Variants in GRID2 observed in about 807,000 individuals in gnomAD.
GRID2 encodes the protein glutamate ionotropic receptor delta type subunit 2.
GRID2 carries 33 observed loss-of-function variants against 114.8 expected under a neutral mutation model. That is an observed-to-expected ratio of 0.29 (90% CI 0.22 to 0.38). The LOEUF (loss-of-function observed/expected upper bound fraction) is 0.38. Among genes scored for constraint, GRID2 ranks in the 10% least tolerant of loss-of-function variants. The pLI is 1.00. For missense variants in GRID2, 1,184 were observed against 1,257.7 expected (o/e 0.94, Z 0.89); for synonymous variants, 505 against 449.9 (o/e 1.12, Z -1.55).
At chr4:93,493,227 A>G (rs1727189142) in intron 12 of GRID2, among the ~76,000 whole-genome samples, 1 of 151,906 alleles carries the variant, frequency 6.6e-6, no homozygotes, top group African/African-American at 2.4e-5. Context: ...AAATAAATAA[A>G]TCGTAAAAAG....
chr4:92,747,718 A>T (rs1169362787), intron 2 of GRID2, among the ~76,000 whole-genome samples: 1 of 152,090 alleles, frequency 6.6e-6, no homozygotes, highest in Non-Finnish European at 1.5e-5. Flanking sequence ...GCTTAATCCT[A>T]CCCTGATCCT....
At chr4:92,345,028 C>T (rs1041235335) in intron 1 of GRID2, among the ~76,000 whole-genome samples, 16 of 152,156 alleles carry the variant, frequency 1.1e-4, no homozygotes, top group African/African-American at 3.6e-4. Context: ...TTGTTTATCC[C>T]TCACCCTCCT....
At chr4:92,386,008 C>T (rs1490595087) in intron 1 of GRID2, among the ~76,000 whole-genome samples, 1 of 150,698 alleles carries the variant, frequency 6.6e-6, no homozygotes, top group East Asian at 2.0e-4. Context: ...GTCTCCTCAC[C>T]ACAGATAATG....
At chr4:92,930,873 A>G (rs547664453) in intron 2 of GRID2, among the ~76,000 whole-genome samples, 51 of 151,278 alleles carry the variant, frequency 3.4e-4, no homozygotes, top group African/African-American at 1.2e-3. Flanking sequence ...GTAAATTTAA[A>G]CAAAAACATT....
intron 1 of GRID2, among the ~76,000 whole-genome samples, chr4:92,461,869 T>C (rs1383774685): frequency 1.3e-5 from 2 of 152,010 alleles, no homozygotes; most frequent in Non-Finnish European, 2.9e-5. Flanking sequence ...CTAAGTGAGA[T>C]CTTCATCAGC....
intron 2 of GRID2, among the ~76,000 whole-genome samples, chr4:92,784,417 T>C (rs1205403543): frequency 1.3e-5 from 2 of 151,926 alleles, no homozygotes; most frequent in East Asian, 3.9e-4. Context: ...TTATAAATTA[T>C]ACAATTTGTG....
rs1262774382 is a variant in GRID2, at chr4:92,938,761, G to T, written c.245-146234G>T. Among the ~76,000 whole-genome samples the T allele has an allele frequency of 2.4e-5, 3 of 125,068 alleles. 1 individual carries two copies. The highest frequency in any genetic ancestry group is 5.4e-4 in the South Asian group (2 of 3,692). 82.0% of individuals were successfully genotyped at this position (125,068 alleles called of 152,430 possible). A position where few individuals can be genotyped will look rare whatever the true frequency, so the allele number is the denominator to read the frequency against. On this transcript the variant is annotated intron_variant, in intron 2 of 15. Coordinates refer to ENST00000282020, the MANE Select transcript of GRID2 (RefSeq NM_001510.4). ...CCCAGAGTGTGATGTTCCCCTTCCT[G>T]TGTCCATGTGTTCTCATTATTCAAT...
At chr4:92,382,545 A>C in intron 1 of GRID2, among the ~76,000 whole-genome samples, 1 of 152,178 alleles carries the variant, frequency 6.6e-6, no homozygotes, top group African/African-American at 2.4e-5. Context: ...TTTGCACTTA[A>C]GTTTTGCATT....
intron 2 of GRID2, among the ~76,000 whole-genome samples, chr4:92,647,143 C>A (rs1385593464): frequency 6.6e-6 from 1 of 152,180 alleles, no homozygotes; most frequent in African/African-American, 2.4e-5. Flanking sequence ...TCCTGTATAA[C>A]TTACTTTATC....
chr4:93,543,861 T>A (rs1732918455), intron 13 of GRID2, among the ~76,000 whole-genome samples: 1 of 152,138 alleles, frequency 6.6e-6, no homozygotes, highest in Admixed American at 6.6e-5. Flanking sequence ...GAAAGCTTCT[T>A]ATTACCAAGA....
In GRID2 at chr4:92,828,192, A is replaced by C. The variant is rs142362415; in HGVS notation, c.244+237906A>C. 1.3e-3 allele frequency among the ~76,000 whole-genome samples: 192 copies of C among 152,178 alleles called. 3 individuals carry two copies. In the East Asian group the frequency reaches 0.029, roughly 23 times the overall value. ...TTTGAGTTGCTAAAATCAAAATAGGACTATACTGATTTTAGTTCCCAGGTC... is the reference window on the plus strand; with the variant it reads ...TTTGAGTTGCTAAAATCAAAATAGGCCTATACTGATTTTAGTTCCCAGGTC... On this transcript the variant is annotated intron_variant, in intron 2 of 15. Coordinates refer to ENST00000282020, the MANE Select transcript of GRID2 (RefSeq NM_001510.4).
At chr4:92,822,316 G>A (rs1330387375) in intron 2 of GRID2, 2 of 617,260 alleles carry the variant, frequency 3.2e-6, no homozygotes, top group East Asian at 4.2e-5. Flanking sequence ...AAGCACAGAG[G>A]GATCCATCTG....
At chr4:93,036,746 T>C (rs1164241598) in intron 2 of GRID2, among the ~76,000 whole-genome samples, 1 of 152,158 alleles carries the variant, frequency 6.6e-6, no homozygotes, top group African/African-American at 2.4e-5. Flanking sequence ...TATCAGGGAA[T>C]GTGTATATTC....
chr4:93,128,024 CAACAAAAAAAAAA>C (rs1734433461), intron 4 of GRID2, among the ~76,000 whole-genome samples: 1 of 19,004 alleles, frequency 5.3e-5, no homozygotes, highest in Non-Finnish European at 9.3e-5. Flanking sequence ...TTGTCCCCCG[CAACAAAAAAAAAA>C]AAAAAAAAAA....
intron 13 of GRID2, among the ~76,000 whole-genome samples, chr4:93,517,904 ATG>A (rs796076345): frequency 2.7e-5 from 4 of 149,308 alleles, no homozygotes; most frequent in East Asian, 2.0e-4. Context: ...ATATATATGT[ATG>A]TGTGTGTGTA....
intron 3 of GRID2, among the ~76,000 whole-genome samples, chr4:93,104,803 A>G (rs1363615918): frequency 2.0e-5 from 3 of 152,340 alleles, no homozygotes; most frequent in Non-Finnish European, 4.4e-5. Context: ...CATGATTTAC[A>G]GTCCTTTGGG....
chr4:92,978,217 C>A (rs1392654849), intron 2 of GRID2, among the ~76,000 whole-genome samples: 1 of 152,052 alleles, frequency 6.6e-6, no homozygotes, highest in Non-Finnish European at 1.5e-5. Flanking sequence ...CATTCCTTTT[C>A]CCTTTATTGT....
intron 1 of GRID2, among the ~76,000 whole-genome samples, chr4:92,416,247 G>C (rs190793354): frequency 2.6e-5 from 4 of 151,908 alleles, no homozygotes; most frequent in Non-Finnish European, 5.9e-5. Context: ...CTTTTTGATG[G>C]GATTATTTAG....
intron 1 of GRID2, among the ~76,000 whole-genome samples, chr4:92,575,235 G>A (rs549656335): frequency 1.1e-4 from 16 of 152,238 alleles, no homozygotes; most frequent in African/African-American, 3.6e-4. Flanking sequence ...TCATGCTTAG[G>A]TTATTTGCAT....
Sources: gnomAD v4.1 joint callset for allele counts (sites outside exome capture counted in the v4.1 genomes callset) on GRCh38, gnomAD v4.1.1 for gene constraint, MANE v1.5 for transcripts, NCBI Gene and HGNC (gene_info 2026-07-23, HGNC 2026-07-21) for gene names.